CADM1: variants seen among roughly 807,000 people sequenced by gnomAD.
The protein encoded by CADM1 is TSLC-1.
In CADM1, 15 loss-of-function variants were observed where a neutral mutation model predicts 53.1. That is an observed-to-expected ratio of 0.28 (90% CI 0.19 to 0.44). CADM1 has a LOEUF of 0.44. Among genes scored for constraint, CADM1 ranks in the 20% least tolerant of loss-of-function variants. The pLI is 1.00. For synonymous variants in CADM1, 281 were observed against 243.0 expected (o/e 1.16, Z -1.45); for missense variants, 434 against 611.3 (o/e 0.71, Z 3.06).
intron 1 of CADM1, among the ~76,000 whole-genome samples, chr11:115,466,888 A>G (rs1948909646): frequency 6.6e-6 from 1 of 152,282 alleles, no homozygotes; most frequent in East Asian, 1.9e-4. Context: ...ACTTATATAC[A>G]CTGCGGAAAG....
intron 1 of CADM1, among the ~76,000 whole-genome samples, chr11:115,380,367 T>A (rs2135151227): frequency 6.6e-6 from 1 of 152,322 alleles, no homozygotes; most frequent in African/African-American, 2.4e-5. Flanking sequence ...AGTGCTACTG[T>A]GTGCCATCTT....
intron 8 of CADM1, among the ~76,000 whole-genome samples, chr11:115,199,961 T>A (rs749377783): frequency 7.2e-5 from 11 of 152,176 alleles, no homozygotes; most frequent in Admixed American, 2.6e-4. Flanking sequence ...GGGGGGCAAA[T>A]GAGCCTGGTG....
chr11:115,269,828 T>C (rs1340382776), intron 1 of CADM1, among the ~76,000 whole-genome samples: 11 of 152,224 alleles, frequency 7.2e-5, no homozygotes, highest in Admixed American at 5.2e-4. Flanking sequence ...TACATTTGAA[T>C]TGGAGCACCA....
intron 1 of CADM1, among the ~76,000 whole-genome samples, chr11:115,348,583 T>C (rs1238073751): frequency 1.3e-5 from 2 of 152,198 alleles, no homozygotes; most frequent in Non-Finnish European, 1.5e-5. Context: ...TATTCACCGG[T>C]GCCAATTTTC....
chr11:115,265,027 A>G (rs1335750879), intron 1 of CADM1, among the ~76,000 whole-genome samples: 1 of 152,182 alleles, frequency 6.6e-6, no homozygotes, highest in African/African-American at 2.4e-5. Context: ...ATTAGGAATG[A>G]AAAGTCTGTT....
chr11:115,358,291 C>T (rs567351925), intron 1 of CADM1, among the ~76,000 whole-genome samples: 81 of 152,198 alleles, frequency 5.3e-4, no homozygotes, highest in Admixed American at 7.9e-4. Flanking sequence ...CCCATTTTCA[C>T]GCTGCTGATA....
intron 1 of CADM1, among the ~76,000 whole-genome samples, chr11:115,483,468 C>T (rs78177785): frequency 0.02 from 3,065 of 152,246 alleles, 135 homozygotes; most frequent in East Asian, 0.16. Flanking sequence ...ACTAGATGAG[C>T]TACACCCATC....
At chr11:115,493,710 C>T (rs1242087924) in intron 1 of CADM1, among the ~76,000 whole-genome samples, 1 of 152,132 alleles carries the variant, frequency 6.6e-6, no homozygotes, top group Non-Finnish European at 1.5e-5. Flanking sequence ...ATCAGCTATG[C>T]AGGGTTCTTG....
intron 1 of CADM1, among the ~76,000 whole-genome samples, chr11:115,266,215 G>A (rs1319267260): frequency 1.3e-5 from 2 of 152,198 alleles, no homozygotes; most frequent in African/African-American, 2.4e-5. Context: ...GCTGCTTATT[G>A]TGCTCAAAAC....
rs114243747 is a variant in CADM1 at position 115,378,083 on chromosome 11, T to C, written c.124+126188A>G. ...GACAGTTAGGGTGCAGTAATGAAGC[T>C]GACCTCAGACTATTTCCATCAATAC... On this transcript the variant is annotated intron_variant, in intron 1 of 11. Coordinates refer to ENST00000331581, the MANE Select transcript of CADM1 (RefSeq NM_001301043.2). Among the ~76,000 whole-genome samples the C allele has an allele frequency of 5.0e-3, 758 of 152,282 alleles. 8 individuals carry two copies. Among genetic ancestry groups the C allele is most frequent in the African/African-American group, 0.018 (728 of 41,558 alleles).
intron 7 of CADM1, among the ~76,000 whole-genome samples, chr11:115,210,258 T>G (rs1466857415): frequency 1.3e-5 from 2 of 152,258 alleles, no homozygotes; most frequent in African/African-American, 4.8e-5. Context: ...TGAGATTTTA[T>G]TCTTTAAAAG....
At chr11:115,258,685 C>T (rs987898497) in intron 1 of CADM1, among the ~76,000 whole-genome samples, 3 of 152,178 alleles carry the variant, frequency 2.0e-5, no homozygotes, top group African/African-American at 7.2e-5. Context: ...AACGTGTTAC[C>T]AAGATCAATA....
intron 3 of CADM1, among the ~76,000 whole-genome samples, chr11:115,234,690 T>C (rs1941947541): frequency 6.6e-6 from 1 of 151,952 alleles, no homozygotes; most frequent in Non-Finnish European, 1.5e-5. Flanking sequence ...GTCAGGAGTT[T>C]GAGACCAGCC....
intron 1 of CADM1, among the ~76,000 whole-genome samples, chr11:115,440,216 A>G (rs1318446416): frequency 6.6e-6 from 1 of 152,222 alleles, no homozygotes; most frequent in African/African-American, 2.4e-5. Flanking sequence ...AGAATACATA[A>G]TCACTGTATG....
chr11:115,169,320 A>T lies in CADM1; in HGVS notation c.*7154T>A, dbSNP rs578177888. ...CTAACGTGACTCAAGGCCCTTCTCG[A>T]TGCATTGGTGTCTCTGCAAGGAAAT... On this transcript the variant is annotated 3_prime_UTR_variant, in exon 12 of 12. Transcript: ENST00000331581. The T allele has an allele frequency of 8.3e-6, 2 of 241,970 alleles. No homozygotes were observed. The highest frequency in any genetic ancestry group is 5.8e-5 in the Admixed American group (1 of 17,296). 15.0% of individuals were successfully genotyped at this position (241,970 alleles called of 1,614,324 possible).
chr11:115,323,190 C>A (rs544608188), intron 1 of CADM1, among the ~76,000 whole-genome samples: 2 of 152,116 alleles, frequency 1.3e-5, no homozygotes, highest in Non-Finnish European at 2.9e-5. Context: ...TGACTAATGG[C>A]ATTGAACATC....
chr11:115,491,073 A>T (rs1187257941), intron 1 of CADM1, among the ~76,000 whole-genome samples: 2 of 152,168 alleles, frequency 1.3e-5, no homozygotes, highest in Non-Finnish European at 2.9e-5. Flanking sequence ...CTTAAAAGTA[A>T]ATTATACTGC....
Position 115,234,921 on chromosome 11 carries a change from A to T in CADM1, c.425-3431T>A, listed in dbSNP as rs985649047. ...AAAAAAAAAAAAAAAAAAAAAAAAA[A>T]TTTGCCCAGTGTAGAAAAATGAAGG... On this transcript the variant is annotated intron_variant, in intron 3 of 11. Transcript: ENST00000331581. Among the ~76,000 whole-genome samples the T allele has an allele frequency of 2.2e-5, 3 of 137,978 alleles. No homozygotes were observed. The South Asian group carries it at 6.7e-4, about 31-fold the overall frequency. The allele number at this position is 137,978 out of a possible 152,430, so 90.5% of individuals were successfully genotyped here.
intron 1 of CADM1, among the ~76,000 whole-genome samples, chr11:115,272,630 A>G (rs377725594): frequency 1.3e-5 from 2 of 151,994 alleles, no homozygotes; most frequent in Non-Finnish European, 2.9e-5. Flanking sequence ...CGTATTTTTC[A>G]GAAATATTGA....
Sources: gnomAD v4.1 joint callset for allele counts (sites outside exome capture counted in the v4.1 genomes callset) on GRCh38, gnomAD v4.1.1 for gene constraint, MANE v1.5 for transcripts, NCBI Gene and HGNC (gene_info 2026-07-23, HGNC 2026-07-21) for gene names.